Variants in MAD1L1 observed in about 807,000 individuals in gnomAD.
MAD1L1 encodes mitotic arrest deficient 1 like 1.
Under a neutral mutation model 96.9 loss-of-function variants are expected in MAD1L1, and 95 were observed. The ratio of observed to expected loss-of-function variants is 0.98; its 90% confidence interval spans 0.83 to 1.16. The LOEUF is 1.16. Ranked by LOEUF, MAD1L1 falls within the 50% of genes most tolerant of loss-of-function variation. MAD1L1 has a pLI of 0.00. For missense variants in MAD1L1, 1,007 were observed against 954.4 expected, an observed-to-expected ratio of 1.06 and a Z score of -0.73; for synonymous variants, 473 against 396.6, an observed-to-expected ratio of 1.19 and a Z score of -2.29.
intron 11 of MAD1L1, among the ~76,000 whole-genome samples, chr7:2,138,031 C>A (rs991414753): frequency 6.6e-6 from 1 of 152,362 alleles, no homozygotes; most frequent in East Asian, 1.9e-4. Flanking sequence ...ACTGACAGCG[C>A]GGGCCAGCCC....
chr7:2,017,283 G>A (rs182969964), intron 12 of MAD1L1, among the ~76,000 whole-genome samples: 3 of 152,320 alleles, frequency 2.0e-5, no homozygotes, highest in Admixed American at 1.3e-4. Flanking sequence ...CAGTGCTGAC[G>A]GGGGCGTCCC....
At chr7:1,936,436 T>G (rs1489820253) in intron 17 of MAD1L1, among the ~76,000 whole-genome samples, 1 of 152,198 alleles carries the variant, frequency 6.6e-6, no homozygotes, top group African/African-American at 2.4e-5. Flanking sequence ...GCCTGAAATT[T>G]CAGCCCCTTG....
intron 18 of MAD1L1, among the ~76,000 whole-genome samples, chr7:1,884,625 C>T (rs989718217): frequency 2.6e-5 from 4 of 152,358 alleles, no homozygotes; most frequent in South Asian, 4.1e-4. Flanking sequence ...AAGAGACGAC[C>T]GAGAGTGGCC....
At chr7:2,169,044 G>A (rs1200382150) in intron 10 of MAD1L1, among the ~76,000 whole-genome samples, 3 of 152,214 alleles carry the variant, frequency 2.0e-5, no homozygotes, top group Non-Finnish European at 4.4e-5. Flanking sequence ...CCCGGTGCTT[G>A]TCCTGGCGCT....
chr7:1,931,096 G>C (rs1221793430), intron 17 of MAD1L1, among the ~76,000 whole-genome samples: 1 of 141,408 alleles, frequency 7.1e-6, no homozygotes. Context: ...AGGAGCGAGG[G>C]CGCATCATGG....
chr7:1,968,963 C>A lies in MAD1L1; in HGVS notation c.1506-11244G>T, dbSNP rs1447737121. 1.3e-5 allele frequency among the ~76,000 whole-genome samples: 2 copies of A among 152,222 alleles called. No individual in the cohort carries two copies. The highest frequency in any genetic ancestry group is 2.9e-5 in the Non-Finnish European group (2 of 68,036). ...CCCAGAGTCACACGCCGGTGACGAG[C>A]ACCATGGCAGCGTGAGATGTCAACA... On this transcript the variant is annotated intron_variant, in intron 15 of 18. Transcript: ENST00000265854. The surrounding 1 kb of genome is among the most constrained non-coding windows in gnomAD (Gnocchi z 5.6).
intron 17 of MAD1L1, among the ~76,000 whole-genome samples, chr7:1,903,164 C>T (rs544553921): frequency 8.8e-4 from 133 of 150,500 alleles, no homozygotes; most frequent in Admixed American, 3.9e-3. Flanking sequence ...AGCACTGTTC[C>T]AGGCAGCAAG....
intron 14 of MAD1L1, among the ~76,000 whole-genome samples, chr7:1,989,497 C>T (rs923051206): frequency 1.3e-4 from 20 of 152,212 alleles, no homozygotes; most frequent in African/African-American, 3.9e-4. Flanking sequence ...TGGGAGCCCT[C>T]GGCGGCGGGA....
chr7:2,158,561 G>A (rs937518859), intron 10 of MAD1L1, among the ~76,000 whole-genome samples: 8 of 152,322 alleles, frequency 5.3e-5, no homozygotes, highest in Admixed American at 1.3e-4. Context: ...CTTGTTTTGC[G>A]AAAAGTATGC....
chr7:1,981,027 C>T (rs940733875), intron 14 of MAD1L1, among the ~76,000 whole-genome samples: 4 of 152,174 alleles, frequency 2.6e-5, no homozygotes, highest in Non-Finnish European at 4.4e-5. Context: ...AGTGCAGTGG[C>T]ACAATCTCGG....
intron 18 of MAD1L1, among the ~76,000 whole-genome samples, chr7:1,838,068 CAT>C (rs982648485): frequency 4.6e-5 from 7 of 152,214 alleles, no homozygotes; most frequent in African/African-American, 1.7e-4. Flanking sequence ...GACTGGGAAA[CAT>C]ATTCCTAACC....
At chr7:1,935,237 G>A (rs926604361) in intron 17 of MAD1L1, among the ~76,000 whole-genome samples, 4 of 152,258 alleles carry the variant, frequency 2.6e-5, no homozygotes, top group African/African-American at 7.2e-5. Flanking sequence ...AATGCAGGGC[G>A]GAGAGGGAGC....
At chr7:1,865,087 T>C (rs1784716496) in intron 18 of MAD1L1, among the ~76,000 whole-genome samples, 2 of 152,118 alleles carry the variant, frequency 1.3e-5, no homozygotes, top group Non-Finnish European at 2.9e-5. Flanking sequence ...TCCGGGAGCA[T>C]CCCTGTCCCC....
At chr7:2,002,296 G>A (rs887047875) in intron 13 of MAD1L1, among the ~76,000 whole-genome samples, 175 bp from the exon 14 acceptor site, 13 of 152,190 alleles carry the variant, frequency 8.5e-5, no homozygotes, top group African/African-American at 2.2e-4. Flanking sequence ...TGGCTGCCCC[G>A]CGAGGCCGAG....
At chr7:1,835,844 G>T (rs1014494716) in intron 18 of MAD1L1, among the ~76,000 whole-genome samples, 9 of 152,180 alleles carry the variant, frequency 5.9e-5, no homozygotes, top group Non-Finnish European at 1.2e-4. Flanking sequence ...GAGTTTTCCG[G>T]GAAAGGGGTA....
At chr7:1,886,596 C>T (rs978538900) in intron 18 of MAD1L1, among the ~76,000 whole-genome samples, 1 of 152,362 alleles carries the variant, frequency 6.6e-6, no homozygotes, top group East Asian at 1.9e-4. Context: ...TGCAAACAGG[C>T]GTGTGGGCGT....
intron 10 of MAD1L1, among the ~76,000 whole-genome samples, chr7:2,152,443 C>T (rs1264152055): frequency 1.3e-5 from 2 of 152,230 alleles, no homozygotes; most frequent in Non-Finnish European, 2.9e-5. Context: ...ACCACTTTGG[C>T]TAAACCAAGC....
At chr7:1,985,661 T>TA (rs1781106152) in intron 14 of MAD1L1, among the ~76,000 whole-genome samples, 1 of 152,228 alleles carries the variant, frequency 6.6e-6, no homozygotes, top group Non-Finnish European at 1.5e-5. Flanking sequence ...ATGTAGCACT[T>TA]ACATTTCCAG....
intron 11 of MAD1L1, among the ~76,000 whole-genome samples, chr7:2,122,393 C>T (rs1023877427): frequency 2.0e-5 from 3 of 152,106 alleles, no homozygotes; most frequent in Non-Finnish European, 2.9e-5. Flanking sequence ...TTTAGTAGGC[C>T]GAGGCAGGCA....
Sources: allele counts gnomAD v4.1 joint callset (sites outside exome capture counted in the v4.1 genomes callset), GRCh38; gene constraint gnomAD v4.1.1; non-coding constraint Gnocchi (gnomAD v3.1); transcripts MANE v1.5; gene names NCBI Gene and HGNC (gene_info 2026-07-23, HGNC 2026-07-21).